GRIA4: variants seen among roughly 807,000 people sequenced by gnomAD.
GRIA4 encodes glutamate receptor 4.
A neutral mutation model predicts 104.0 loss-of-function variants in GRIA4; 34 were observed. The observed-to-expected ratio is 0.33, with a 90% confidence interval of 0.25 to 0.44. The LOEUF (loss-of-function observed/expected upper bound fraction) is 0.44. Among genes scored for constraint, GRIA4 ranks in the 20% least tolerant of loss-of-function variants. The pLI is 1.00. For missense variants in GRIA4, 750 were observed against 1,096.5 expected (o/e 0.68, Z 4.46); for synonymous variants, 386 against 381.9 (o/e 1.01, Z -0.13).
At chr11:105,713,066 G>A (rs538144805) in intron 3 of GRIA4, among the ~76,000 whole-genome samples, 3 of 152,096 alleles carry the variant, frequency 2.0e-5, no homozygotes, top group South Asian at 2.1e-4. Context: ...GGTTGATATT[G>A]CAGTATAATA....
intron 4 of GRIA4, among the ~76,000 whole-genome samples, chr11:105,780,999 T>C (rs1403747926): frequency 1.3e-5 from 2 of 152,200 alleles, no homozygotes; most frequent in East Asian, 3.8e-4. Context: ...TATTATCTAA[T>C]TCATCTTTTC....
chr11:105,731,520 T>C (rs1203958988), intron 3 of GRIA4, among the ~76,000 whole-genome samples: 1 of 152,180 alleles, frequency 6.6e-6, no homozygotes, highest in Non-Finnish European at 1.5e-5. Flanking sequence ...GCAATCTCAT[T>C]ACTGGGTATA....
At chr11:105,973,490 T>A (rs757365049) in intron 15 of GRIA4, among the ~76,000 whole-genome samples, 3 of 152,054 alleles carry the variant, frequency 2.0e-5, no homozygotes, top group Non-Finnish European at 4.4e-5. Context: ...ATAAATAATA[T>A]CTCTAAAATA....
intron 3 of GRIA4, among the ~76,000 whole-genome samples, chr11:105,725,370 G>C (rs540318846): frequency 6.6e-6 from 1 of 152,038 alleles, no homozygotes; most frequent in African/African-American, 2.4e-5. Context: ...CAACACAAAC[G>C]TGAATGGCAA....
At chr11:105,881,567 A>G (rs969965720) in intron 5 of GRIA4, among the ~76,000 whole-genome samples, 1 of 152,112 alleles carries the variant, frequency 6.6e-6, no homozygotes, top group Non-Finnish European at 1.5e-5. Flanking sequence ...TGACAGAGAG[A>G]TCACTACTTT....
intron 3 of GRIA4, among the ~76,000 whole-genome samples, chr11:105,684,824 T>C (rs1432358997): frequency 2.6e-5 from 4 of 151,780 alleles, no homozygotes; most frequent in Admixed American, 6.6e-5. Flanking sequence ...AAGCAGTGCA[T>C]TGACTGATGA....
At chr11:105,793,876 T>C (rs2135811859) in intron 4 of GRIA4, among the ~76,000 whole-genome samples, 1 of 152,276 alleles carries the variant, frequency 6.6e-6, no homozygotes. Context: ...CAACATGCTA[T>C]TTGAACACCA....
At chr11:105,740,607 T>C in intron 3 of GRIA4, among the ~76,000 whole-genome samples, 1 of 152,136 alleles carries the variant, frequency 6.6e-6, no homozygotes. Context: ...TAATTTCAAA[T>C]AGTGGTAAGA....
At chr11:105,629,755 A>G (rs1256468109) in intron 3 of GRIA4, among the ~76,000 whole-genome samples, 1 of 152,174 alleles carries the variant, frequency 6.6e-6, no homozygotes, top group Non-Finnish European at 1.5e-5. Flanking sequence ...AACTAAGGGA[A>G]TCTTTTGGCA....
chr11:105,616,196 T>C lies in GRIA4; in HGVS notation c.247+3762T>C, dbSNP rs1287486778. Among the ~76,000 whole-genome samples the C allele has an allele frequency of 2.0e-5, 3 of 151,888 alleles. No individual in the cohort carries two copies. The East Asian group carries it at 5.8e-4, about 29-fold the overall frequency. On this transcript the variant is annotated intron_variant, in intron 3 of 16. Coordinates refer to ENST00000282499, the MANE Select transcript of GRIA4 (RefSeq NM_000829.4). Reference sequence around the variant, plus strand: ...ATATTTTTCTTATTTTAAAGTGATTTTTTTATCTTGTTCTCTTTTTCTAGC... The same window carrying C: ...ATATTTTTCTTATTTTAAAGTGATTCTTTTATCTTGTTCTCTTTTTCTAGC...
At chr11:105,918,407 T>G (rs1947469123) in intron 10 of GRIA4, among the ~76,000 whole-genome samples, 1 of 152,112 alleles carries the variant, frequency 6.6e-6, no homozygotes, top group Non-Finnish European at 1.5e-5. Flanking sequence ...AGAATATAAT[T>G]TATGCTTCTT....
chr11:105,790,698 G>A (rs1197395695), intron 4 of GRIA4, among the ~76,000 whole-genome samples: 1 of 152,118 alleles, frequency 6.6e-6, no homozygotes, highest in African/African-American at 2.4e-5. Flanking sequence ...TCTTAGCACA[G>A]GTTTGCAAGA....
chr11:105,898,350 C>A lies in GRIA4; in HGVS notation c.808C>A (p.Pro270Thr). 6.3e-7 allele frequency: 1 copy of A among 1,577,990 alleles called. No individual in the cohort carries two copies. The highest frequency in any genetic ancestry group is 1.1e-5 in the South Asian group (1 of 90,256). Residue 270 changes from proline to threonine, a missense_variant, in exon 7 of 17, where the codon CCT becomes ACT. Pro to Thr is a conservative substitution (Grantham distance 38, BLOSUM62 -1). Coordinates refer to ENST00000282499, the MANE Select transcript of GRIA4 (RefSeq NM_000829.4). ...ATTCCAGTTGGTGGATTTTAATACACCTATGGTAATCAAACTAATGGATCG... is the reference window on the plus strand; with the variant it reads ...ATTCCAGTTGGTGGATTTTAATACAACTATGGTAATCAAACTAATGGATCG... Reference protein sequence around the residue: ...TGFQLVDFNTPMVIKLMDRWK... With the variant: ...TGFQLVDFNTTMVIKLMDRWK...
intron 3 of GRIA4, among the ~76,000 whole-genome samples, chr11:105,636,239 C>T (rs1951198805): frequency 6.6e-6 from 1 of 152,060 alleles, no homozygotes; most frequent in South Asian, 2.1e-4. Flanking sequence ...TTATTAAAGA[C>T]AGGTATTGTT....
intron 4 of GRIA4, among the ~76,000 whole-genome samples, chr11:105,786,563 G>T (rs1239562539): frequency 6.6e-6 from 1 of 152,068 alleles, no homozygotes; most frequent in Non-Finnish European, 1.5e-5. Flanking sequence ...ACTATGCTAG[G>T]TTCCGGGAAT....
chr11:105,656,034 G>A (rs184854140), intron 3 of GRIA4, among the ~76,000 whole-genome samples: 59 of 152,186 alleles, frequency 3.9e-4, no homozygotes, highest in Middle Eastern at 3.4e-3. Context: ...TCTAACTGGC[G>A]TGAGATGGTA....
chr11:105,701,236 T>C (rs939489071), intron 3 of GRIA4, among the ~76,000 whole-genome samples: 41 of 152,218 alleles, frequency 2.7e-4, no homozygotes, highest in African/African-American at 9.2e-4. Context: ...CTTTGCTTTT[T>C]TAACCGCTAG....
chr11:105,782,718 C>T (rs577097189), intron 4 of GRIA4, among the ~76,000 whole-genome samples: 2 of 152,218 alleles, frequency 1.3e-5, no homozygotes, highest in Admixed American at 6.5e-5. Flanking sequence ...TTTTTGTGTG[C>T]CTCTCAGATC....
chr11:105,871,472 C>A (rs1298594135), intron 5 of GRIA4, among the ~76,000 whole-genome samples: 1 of 149,706 alleles, frequency 6.7e-6, no homozygotes, highest in Non-Finnish European at 1.5e-5. Flanking sequence ...TATAGTTAGA[C>A]CTTTGGGATT....
Sources: gnomAD v4.1 joint callset for allele counts (sites outside exome capture counted in the v4.1 genomes callset) on GRCh38, gnomAD v4.1.1 for gene constraint, MANE v1.5 for transcripts, NCBI Gene and HGNC (gene_info 2026-07-23, HGNC 2026-07-21) for gene names.